Variants in ARGFX observed in about 807,000 individuals in gnomAD.
ARGFX encodes the protein arginine-fifty homeobox.
ARGFX carries 10 observed loss-of-function variants against 8.0 expected under a neutral mutation model. The observed-to-expected ratio is 1.25, with a 90% CI of 0.77 to 2.12. ARGFX has a LOEUF of 2.12. Among genes scored for constraint, ARGFX ranks in the 30% most tolerant of loss-of-function variants. ARGFX has a pLI of 0.00. For synonymous variants in ARGFX, 116 were observed against 117.8 expected, an observed-to-expected ratio of 0.98 and a Z score of 0.10; for missense variants, 282 against 324.3, an observed-to-expected ratio of 0.87 and a Z score of 1.00.
At chr3:121,579,945 CTTT>C (rs1174620508) in intron 3 of ARGFX, among the ~76,000 whole-genome samples, 40 of 91,560 alleles carry the variant, frequency 4.4e-4, no homozygotes, top group Admixed American at 1.3e-3. Context: ...CTTTTCTTTT[CTTT>C]TTTTTTTTTT....
intron 3 of ARGFX, among the ~76,000 whole-genome samples, chr3:121,577,678 A>G (rs2048752072): frequency 6.6e-6 from 1 of 152,254 alleles, no homozygotes; most frequent in Admixed American, 6.5e-5. Flanking sequence ...ACAATGTGCC[A>G]CACATTATTG....
At chr3:121,578,836 A>ATT (rs71668158) in intron 3 of ARGFX, among the ~76,000 whole-genome samples, 14,266 of 140,088 alleles carry the variant, frequency 0.1, 1,380 homozygotes, top group East Asian at 0.53. Context: ...ACACCCAGCT[A>ATT]TTTTTTTTTT....
rs150330332 is a variant in ARGFX at position 121,589,274 on chromosome 3, C to A, written c.*2674C>A. Among the ~76,000 whole-genome samples, 1,409 of 152,220 alleles carry A rather than the reference C, an allele frequency of 9.3e-3. 25 individuals carry two copies. Among genetic ancestry groups the A allele is most frequent in the Non-Finnish European group, 6.9e-3 (466 of 68,002 alleles). On this transcript the variant is annotated 3_prime_UTR_variant, in exon 5 of 5. Coordinates refer to ENST00000334384, the MANE Select transcript of ARGFX (RefSeq NM_001012659.2). ...ACCAAAACATGGGATGAAGCTAAAT[C>A]AATGCTTAGAAGGAAATTTATAGCT...
At chr3:121,581,386 G>A (rs793975) in intron 3 of ARGFX, among the ~76,000 whole-genome samples, 15,061 of 152,104 alleles carry the variant, frequency 0.099, 806 homozygotes, top group Middle Eastern at 0.16. Context: ...CCAATGAGAT[G>A]GTTTACATTC....
Position 121,589,030 on chromosome 3 carries a change from C to CTTTTTTTTTTT in ARGFX, c.*2431_*2432insTTTTTTTTTTT. ...GTGTCTACAAAAAATAAAAAATTAG[C>CTTTTTTTTTTT]TGGGCATGACGGCCAGAGCCCATGG... On this transcript the variant is annotated 3_prime_UTR_variant, in exon 5 of 5. Transcript: ENST00000334384. 6.6e-6 allele frequency among the ~76,000 whole-genome samples: 1 copy of CTTTTTTTTTTT among 152,242 alleles called. No individual in the cohort carries two copies. Among genetic ancestry groups the CTTTTTTTTTTT allele is most frequent in the Non-Finnish European group, 1.5e-5 (1 of 68,016 alleles).
intron 2 of ARGFX, 62 bp downstream of exon 2, chr3:121,570,878 C>A: frequency 8.7e-7 from 1 of 1,145,838 alleles, no homozygotes; most frequent in Non-Finnish European, 1.2e-6. Flanking sequence ...TGCAGCCCTA[C>A]AATTGCATTT....
intron 3 of ARGFX, among the ~76,000 whole-genome samples, chr3:121,578,770 A>G (rs2048759518): frequency 6.7e-6 from 1 of 150,080 alleles, no homozygotes; most frequent in Non-Finnish European, 1.5e-5. Context: ...TCCCAGGTTC[A>G]TGCCATTCTC....
intron 4 of ARGFX, among the ~76,000 whole-genome samples, chr3:121,585,814 G>T (rs4676730): frequency 6.6e-6 from 1 of 151,768 alleles, no homozygotes; most frequent in Non-Finnish European, 1.5e-5. Flanking sequence ...AAACACACCC[G>T]CTTCCTTCCT....
In ARGFX at chr3:121,588,420, G is replaced by T. The variant is rs1376407826; in HGVS notation, c.*1820G>T. ...TTGAACCTGGGAGGTGGAGGTTGCAGTGAGCTGAGGTCGCACCACTGCACT... is the reference window on the plus strand; with the variant it reads ...TTGAACCTGGGAGGTGGAGGTTGCATTGAGCTGAGGTCGCACCACTGCACT... On this transcript the variant is annotated 3_prime_UTR_variant, in exon 5 of 5. Transcript: ENST00000334384. Among the ~76,000 whole-genome samples, 2 of 150,444 alleles carry T rather than the reference G, an allele frequency of 1.3e-5. No homozygotes were observed. The highest frequency in any genetic ancestry group is 3.9e-4 in the East Asian group (2 of 5,094).
chr3:121,584,943 A>G lies in ARGFX; in HGVS notation c.247A>G (p.Thr83Ala), dbSNP rs2048802205. 1.2e-6 allele frequency: 2 copies of G among 1,613,520 alleles called. No individual in the cohort carries two copies. The highest frequency in any genetic ancestry group is 8.5e-7 in the Non-Finnish European group (1 of 1,179,942). ...AATACGGAGAAGGCATAAAGAACGT[A>G]CTTCTTTCACCCACCAACAGTATGA... ...TAIRRRHKER[T>A]SFTHQQYEEL... is the part of the protein sequence containing the mutation. The change falls in exon 4 of 5, where the codon ACT becomes GCT. Residue 83 changes from threonine (T) to alanine (A), a missense_variant. Coordinates refer to ENST00000334384, the MANE Select transcript of ARGFX (RefSeq NM_001012659.2).
At chr3:121,584,164 C>A (rs181983529) in intron 3 of ARGFX, among the ~76,000 whole-genome samples, 89 of 142,132 alleles carry the variant, frequency 6.3e-4, no homozygotes, top group Non-Finnish European at 1.1e-3. Context: ...GGCAATAGAG[C>A]AAGACCCCGT....
rs1553835375 is a variant in ARGFX at position 121,580,594 on chromosome 3, GTA to G, written c.220+3706_220+3707del. ...TGTGTGTGTGTGTGTGTGTGTGTGTGTATATATATATATTTTTTTTTTTTTTT... is the reference window on the plus strand; with the variant it reads ...TGTGTGTGTGTGTGTGTGTGTGTGTGTATATATATATTTTTTTTTTTTTTT... On this transcript the variant is annotated intron_variant, in intron 3 of 4. Coordinates refer to ENST00000334384, the MANE Select transcript of ARGFX (RefSeq NM_001012659.2). 5.4e-5 allele frequency among the ~76,000 whole-genome samples: 4 copies of G among 73,412 alleles called. No homozygotes were observed. In the East Asian group the frequency reaches 1.1e-3, roughly 21 times the overall value. The allele number at this position is 73,412 out of a possible 152,430, so 48.2% of individuals were successfully genotyped here. A position where few individuals can be genotyped will look rare whatever the true frequency, so the allele number is the denominator to read the frequency against.
At chr3:121,585,948 T>C in intron 4 of ARGFX, 74 bp from the exon 5 acceptor site, 1 of 1,420,384 alleles carries the variant, frequency 7.0e-7, no homozygotes. Context: ...AACCTGGCTG[T>C]TTTCACTCAG....
At chr3:121,583,373 C>T (rs1464819385) in intron 3 of ARGFX, among the ~76,000 whole-genome samples, 2 of 151,816 alleles carry the variant, frequency 1.3e-5, no homozygotes, top group South Asian at 2.1e-4. Context: ...CTTTCCATTG[C>T]CATTAAAAAA....
intron 2 of ARGFX, among the ~76,000 whole-genome samples, chr3:121,572,236 G>GTT (rs35928051): frequency 9.4e-5 from 12 of 128,100 alleles, no homozygotes; most frequent in African/African-American, 1.6e-4. Context: ...TATTATTGTT[G>GTT]TTTTTTTTTT....
At chr3:121,577,259 ATTTT>A (rs869249692) in intron 3 of ARGFX, among the ~76,000 whole-genome samples, 19 of 59,624 alleles carry the variant, frequency 3.2e-4, no homozygotes, top group South Asian at 2.1e-3. Flanking sequence ...ATATATATAT[ATTTT>A]TTTTTTTTTA....
rs1011419702 is a variant in ARGFX at position 121,587,106 on chromosome 3, A to C, written c.*506A>C. ...CGCACTGTCACCCAGGGTGGAGTGC[A>C]GTGGCGGGATCTCAGCTCAGTGCAA... On this transcript the variant is annotated 3_prime_UTR_variant, in exon 5 of 5. Coordinates refer to ENST00000334384, the MANE Select transcript of ARGFX (RefSeq NM_001012659.2). Among the ~76,000 whole-genome samples the C allele has an allele frequency of 6.6e-6, 1 of 151,820 alleles. No homozygotes were observed. The highest frequency in any genetic ancestry group is 2.4e-5 in the African/African-American group (1 of 41,302).
chr3:121,576,735 CTTT>C (rs781050579), intron 2 of ARGFX, 46 bp from the exon 3 acceptor site: 6 of 322,398 alleles, frequency 1.9e-5, no homozygotes, highest in South Asian at 1.4e-4. Flanking sequence ...TTCTTTCTTT[CTTT>C]CTTTCTTTTT....
chr3:121,584,376 G>A (rs1025909050), intron 3 of ARGFX, among the ~76,000 whole-genome samples: 1 of 152,134 alleles, frequency 6.6e-6, no homozygotes, highest in African/African-American at 2.4e-5. Flanking sequence ...CCATTTAGAA[G>A]AGTGGGTTAT....
Sources: allele counts gnomAD v4.1 joint callset (sites outside exome capture counted in the v4.1 genomes callset), GRCh38; gene constraint gnomAD v4.1.1; transcripts MANE v1.5; gene names NCBI Gene and HGNC (gene_info 2026-07-23, HGNC 2026-07-21).